Variants in CD33 observed in about 807,000 individuals in gnomAD.
CD33 encodes the protein CD33 molecule.
CD33 carries 25 observed loss-of-function variants against 31.4 expected under a neutral mutation model. The observed-to-expected ratio is 0.80, with a 90% CI of 0.58 to 1.11. The LOEUF (loss-of-function observed/expected upper bound fraction) is 1.11. Among genes scored for constraint, CD33 ranks in the 50% most tolerant of loss-of-function variants. The pLI is 0.00. For synonymous variants in CD33, 176 were observed against 180.6 expected (o/e 0.97, Z 0.20); for missense variants, 407 against 448.1 (o/e 0.91, Z 0.83).
the CD33 span, among the ~76,000 whole-genome samples, chr19:51,219,421 A>C: frequency 6.6e-6 from 1 of 152,122 alleles, no homozygotes; most frequent in Admixed American, 6.6e-5. Context: ...AGTCTTTTGA[A>C]GGAGTCCTTA....
chr19:51,224,986 G>C, upstream of CD33: 1 of 1,115,562 alleles, frequency 9.0e-7, no homozygotes, highest in Non-Finnish European at 1.3e-6. Context: ...GTGTGGGTCT[G>C]AGGTTCCTCT....
chr19:51,215,689 C>T, the CD33 span, among the ~76,000 whole-genome samples: 1 of 152,196 alleles, frequency 6.6e-6, no homozygotes, highest in African/African-American at 2.4e-5. Context: ...TTCTCTTTAG[C>T]CCCATCTCTA....
the CD33 span, among the ~76,000 whole-genome samples, chr19:51,219,111 G>A: frequency 6.6e-6 from 1 of 152,100 alleles, no homozygotes; most frequent in South Asian, 2.1e-4. Context: ...ATTGCTTTGG[G>A]CAGTACGGTC....
At chr19:51,221,307 T>C (rs1004768694), upstream of CD33, among the ~76,000 whole-genome samples, 1 of 136,320 alleles carries the variant, frequency 7.3e-6, no homozygotes, top group African/African-American at 2.7e-5. Context: ...AGCCAAAGGT[T>C]TTATCAGCCA....
chr19:51,220,289 C>T (rs1212815331), upstream of CD33, among the ~76,000 whole-genome samples: 3 of 152,276 alleles, frequency 2.0e-5, no homozygotes, highest in South Asian at 2.1e-4. Context: ...AAGTTCCTCT[C>T]CATGTTTTGA....
intron 4 of CD33, among the ~76,000 whole-genome samples, chr19:51,234,949 G>T (rs1981669729): frequency 6.6e-6 from 1 of 152,152 alleles, no homozygotes; most frequent in South Asian, 2.1e-4. Context: ...TTGTGCACCA[G>T]AGAGAGAGGG....
At chr19:51,224,135 TAA>T (rs1054529860), upstream of CD33, among the ~76,000 whole-genome samples, 2 of 152,184 alleles carry the variant, frequency 1.3e-5, no homozygotes, top group African/African-American at 4.8e-5. Context: ...TCTTACAGAC[TAA>T]GAGTTTTTAA....
chr19:51,211,786 C>T, the CD33 span: 2 of 828,696 alleles, frequency 2.4e-6, no homozygotes, highest in Non-Finnish European at 4.0e-6. Context: ...CCCGTTTCCT[C>T]ACCAGCCCTG....
At chr19:51,230,583 C>T (rs1981334280) in intron 4 of CD33, among the ~76,000 whole-genome samples, 2 of 152,168 alleles carry the variant, frequency 1.3e-5, no homozygotes, top group East Asian at 3.8e-4. Flanking sequence ...TATTATAGTG[C>T]TGAACTGACC....
Position 51,239,651 on chromosome 19 carries a change from A to G in CD33, c.1058A>G (p.Asp353Gly), listed in dbSNP as rs1435277747. The G allele has an allele frequency of 1.2e-6, 2 of 1,613,410 alleles. No homozygotes were observed. The highest frequency in any genetic ancestry group is 1.1e-5 in the South Asian group (1 of 90,962). ...TTTCATGGGATGAATCCTTCCAAGG[A>G]CACCTCCACCGAATACTCAGAGGTC... ...LNFHGMNPSK[D>G]TSTEYSEVRT... is the part of the protein sequence containing the mutation. Residue 353 changes from aspartate (D) to glycine (G), a missense_variant, in exon 7 of 7, where the codon GAC becomes GGC. By Grantham distance (94) the Asp-to-Gly change is moderately conservative (BLOSUM62 -1). Coordinates refer to ENST00000262262, the MANE Select transcript of CD33 (RefSeq NM_001772.4).
intron 4 of CD33, among the ~76,000 whole-genome samples, chr19:51,234,617 G>A (rs569387852): frequency 1.3e-5 from 2 of 152,172 alleles, no homozygotes; most frequent in East Asian, 1.9e-4. Context: ...TCAGAGACAC[G>A]CCCCTGACTC....
intron 6 of CD33, chr19:51,237,328 T>C (rs994170161): frequency 6.6e-6 from 1 of 152,228 alleles, no homozygotes; most frequent in Admixed American, 6.5e-5. Flanking sequence ...AGTTTACAAA[T>C]ATAAAATATT....
chr19:51,226,419 G>A, intron 4 of CD33, 63 bp downstream of exon 4: 2 of 1,443,638 alleles, frequency 1.4e-6, no homozygotes, highest in African/African-American at 1.4e-5. Flanking sequence ...GGTTTGGTCA[G>A]ATCTGGACTT....
intron 6 of CD33, chr19:51,235,898 C>T: frequency 1.4e-6 from 1 of 703,104 alleles, no homozygotes; most frequent in South Asian, 1.5e-5. Context: ...GTGTTTCACA[C>T]CTGCAATCCC....
chr19:51,226,837 A>G (rs1340797537), intron 4 of CD33, among the ~76,000 whole-genome samples: 1 of 151,780 alleles, frequency 6.6e-6, no homozygotes, highest in African/African-American at 2.4e-5. Context: ...GGTGTAATCT[A>G]GTATCCTTTA....
In CD33 at chr19:51,239,673, G is replaced by T; in HGVS notation, c.1080G>T (p.Glu360Asp). The T allele has an allele frequency of 6.2e-7, 1 of 1,610,818 alleles. No homozygotes were observed. The highest frequency in any genetic ancestry group is 8.5e-7 in the Non-Finnish European group (1 of 1,178,806). The change falls in exon 7 of 7, where the codon GAG becomes GAT. Residue 360 changes from glutamate (E) to aspartate (D), a missense_variant. Coordinates refer to ENST00000262262, the MANE Select transcript of CD33 (RefSeq NM_001772.4). ...PSKDTSTEYSEVRTQ is the reference protein window; with the variant it reads ...PSKDTSTEYSDVRTQ ...AGGACACCTCCACCGAATACTCAGA[G>T]GTCAGGACCCAGTGAGGAACCCACA...
intron 4 of CD33, among the ~76,000 whole-genome samples, chr19:51,228,720 A>G (rs913941352): frequency 3.9e-5 from 6 of 152,078 alleles, no homozygotes; most frequent in African/African-American, 1.2e-4. Flanking sequence ...GAATTTCACC[A>G]TGTTGGCCAA....
the CD33 span, chr19:51,211,691 C>T: frequency 2.2e-6 from 2 of 922,378 alleles, no homozygotes; most frequent in Non-Finnish European, 1.7e-6. Flanking sequence ...GGGAATGAAG[C>T]CTGTCAGACT....
At chr19:51,237,759 G>T (rs1568437471) in intron 6 of CD33, 1 of 152,248 alleles carries the variant, frequency 6.6e-6, no homozygotes, top group East Asian at 1.9e-4. Context: ...TGCGTTTAGA[G>T]CAGAAGAGTG....
Sources: gnomAD v4.1 joint callset for allele counts (sites outside exome capture counted in the v4.1 genomes callset) on GRCh38, gnomAD v4.1.1 for gene constraint, MANE v1.5 for transcripts, NCBI Gene and HGNC (gene_info 2026-07-23, HGNC 2026-07-21) for gene names.